Variants in CEMIP2 observed in about 807,000 individuals in gnomAD.
The protein encoded by CEMIP2 is cell surface hyaluronidase CEMIP2.
A neutral mutation model predicts 146.9 loss-of-function variants in CEMIP2; 79 were observed. The ratio of observed to expected loss-of-function variants is 0.54; its 90% CI spans 0.45 to 0.65. CEMIP2 has a LOEUF of 0.65. Ranked by LOEUF, CEMIP2 falls within the 30% of genes least tolerant of loss-of-function variation. The pLI is 0.00. For missense variants in CEMIP2, 1,596 were observed against 1,696.2 expected, an observed-to-expected ratio of 0.94 and a Z score of 1.04; for synonymous variants, 601 against 606.3, an observed-to-expected ratio of 0.99 and a Z score of 0.13.
intron 20 of CEMIP2, 199 bp downstream of exon 20, chr9:71,697,786 G>A (rs1056232870): frequency 1.8e-6 from 1 of 553,714 alleles, no homozygotes; most frequent in African/African-American, 1.9e-5. Context: ...ACGTATCACA[G>A]GGGCAAGTAT....
rs369828121 is a variant in CEMIP2 at position 71,705,080 on chromosome 9, C to A, written c.2986-277G>T. ...GCTTATTCATCAGAATATAAAACTTCTGTGGCTTATACAGCTTGTCAAAGA... is the reference window on the plus strand; with the variant it reads ...GCTTATTCATCAGAATATAAAACTTATGTGGCTTATACAGCTTGTCAAAGA... On this transcript the variant is annotated intron_variant, in intron 17 of 23. Coordinates refer to ENST00000377044, the MANE Select transcript of CEMIP2 (RefSeq NM_013390.3). 230 of 384,620 alleles carry A rather than the reference C, an allele frequency of 6.0e-4. 1 individual carries two copies. In the South Asian group the frequency reaches 8.6e-3, roughly 14 times the overall value. The allele number at this position is 384,620 out of a possible 1,614,324, so 23.8% of individuals were successfully genotyped here.
At chr9:71,758,106 AAAC>A (rs1335963945) in intron 1 of CEMIP2, among the ~76,000 whole-genome samples, 1 of 152,216 alleles carries the variant, frequency 6.6e-6, no homozygotes, top group Non-Finnish European at 1.5e-5. Context: ...TTTTTTAAAA[AAAC>A]AACCACTGCA....
chr9:71,730,362 G>C, intron 8 of CEMIP2, 109 bp from the exon 9 acceptor site: 2 of 1,115,132 alleles, frequency 1.8e-6, no homozygotes, highest in South Asian at 3.0e-5. Context: ...AAACAGGTTT[G>C]AACCTTAGCA....
chr9:71,743,657 A>G (rs1323108120), intron 4 of CEMIP2, among the ~76,000 whole-genome samples: 4 of 152,160 alleles, frequency 2.6e-5, no homozygotes, highest in African/African-American at 9.7e-5. Flanking sequence ...CTGTATGATC[A>G]TCATCTATTT....
chr9:71,734,704 G>C (rs1823713243), intron 6 of CEMIP2, 102 bp downstream of exon 6: 4 of 993,776 alleles, frequency 4.0e-6, no homozygotes, highest in Non-Finnish European at 5.8e-6. Flanking sequence ...TGTGATGGTG[G>C]TGGTGGTAGT....
Position 71,684,384 on chromosome 9 carries a change from A to G in CEMIP2, c.*813T>C, listed in dbSNP as rs7858861. 0.06 allele frequency: 9,140 copies of G among 152,712 alleles called. 406 individuals are homozygous for G. Among genetic ancestry groups the G allele is most frequent in the African/African-American group, 0.12 (5,070 of 41,538 alleles). The allele number at this position is 152,712 out of a possible 1,614,324, so 9.5% of individuals were successfully genotyped here. A position where few individuals can be genotyped will look rare whatever the true frequency, so the allele number is the denominator to read the frequency against. Reference sequence around the variant, plus strand: ...GGAAAACAACCTACTTCTTAAAACAAAACAAAACAAAACAAAAAAGGAAAT... The same window carrying G: ...GGAAAACAACCTACTTCTTAAAACAGAACAAAACAAAACAAAAAAGGAAAT... On this transcript the variant is annotated 3_prime_UTR_variant, in exon 24 of 24. Transcript: ENST00000377044.
At chr9:71,692,478 G>A (rs1185884752) in intron 21 of CEMIP2, among the ~76,000 whole-genome samples, 2 of 151,464 alleles carry the variant, frequency 1.3e-5, no homozygotes, top group Non-Finnish European at 2.9e-5. Context: ...CATGCTAACA[G>A]GCTGGGATCA....
chr9:71,715,648 A>ATATATATATATATATATT (rs967444649), intron 14 of CEMIP2, among the ~76,000 whole-genome samples: 1 of 134,208 alleles, frequency 7.5e-6, no homozygotes, highest in Non-Finnish European at 1.6e-5. Flanking sequence ...ATATATATAT[A>ATATATATATATATATATT]CTTTTTTTTT....
At chr9:71,749,406 A>G (rs1039063749) in intron 2 of CEMIP2, among the ~76,000 whole-genome samples, 1 of 143,566 alleles carries the variant, frequency 7.0e-6, no homozygotes, top group Admixed American at 7.0e-5. Flanking sequence ...ACGTATGACT[A>G]AAAAAAAAAA....
At position 71,728,267 on chromosome 9, in the gene CEMIP2, A is replaced by ACG. The variant is rs1233256723; in HGVS notation, c.2049+1577_2049+1578insCG. 2.2e-3 allele frequency among the ~76,000 whole-genome samples: 24 copies of ACG among 11,116 alleles called. 4 individuals carry two copies. Among genetic ancestry groups the ACG allele is most frequent in the Non-Finnish European group, 4.9e-3 (18 of 3,640 alleles). 7.3% of individuals were successfully genotyped at this position (11,116 alleles called of 152,430 possible). A position where few individuals can be genotyped will look rare whatever the true frequency, so the allele number is the denominator to read the frequency against. ...TATATATATGTATATACACGTATAT[A>ACG]TATATATATATATGTATATATATAT... is the stretch of plus-strand genomic sequence containing the variant. On this transcript the variant is annotated intron_variant, in intron 10 of 23. Coordinates refer to ENST00000377044, the MANE Select transcript of CEMIP2 (RefSeq NM_013390.3).
chr9:71,751,026 C>A (rs182459372), intron 1 of CEMIP2, among the ~76,000 whole-genome samples: 1 of 152,146 alleles, frequency 6.6e-6, no homozygotes, highest in East Asian at 1.9e-4. Context: ...GGATTACAGG[C>A]GTGAGCCCCA....
intron 5 of CEMIP2, among the ~76,000 whole-genome samples, chr9:71,736,504 A>C (rs555576350): frequency 2.0e-5 from 3 of 152,216 alleles, no homozygotes; most frequent in African/African-American, 7.2e-5. Context: ...CCCCTGTCCA[A>C]CTCAGCTCCT....
chr9:71,722,399 G>A, intron 12 of CEMIP2, 28 bp downstream of exon 12: 1 of 1,575,590 alleles, frequency 6.3e-7, no homozygotes, highest in Non-Finnish European at 8.7e-7. Flanking sequence ...AGTATAGCTT[G>A]AGTGTGACTT....
intron 10 of CEMIP2, among the ~76,000 whole-genome samples, chr9:71,726,440 T>C (rs1002347893): frequency 1.3e-5 from 2 of 152,190 alleles, no homozygotes; most frequent in African/African-American, 4.8e-5. Context: ...GGAACTTCGA[T>C]TAAATAGTTT....
At chr9:71,702,820 T>C (rs59986055) in intron 18 of CEMIP2, among the ~76,000 whole-genome samples, 1 of 152,226 alleles carries the variant, frequency 6.6e-6, no homozygotes, top group Admixed American at 6.5e-5. Context: ...TTGAAACTTC[T>C]AGGCTCAGCA....
At position 71,746,280 on chromosome 9, in the gene CEMIP2, CT is replaced by C. The variant is rs1564022980; in HGVS notation, c.392del (p.Lys131SerfsTer13). 1 of 1,614,002 alleles carries C rather than the reference CT, an allele frequency of 6.2e-7. No individual in the cohort carries two copies. Among genetic ancestry groups the C allele is most frequent in the Non-Finnish European group, 8.5e-7 (1 of 1,179,906 alleles). ...RNWDPGQDSA[K>X]QVVIKEGDML... ...TATCTCCCTCCTTGATAACAACTTG[CT>C]TTGCAGAATCTTGTCCTGGATCCCA... On this transcript the variant is annotated frameshift_variant, in exon 3 of 24. Transcript: ENST00000377044. LOFTEE classifies it high-confidence loss of function.
intron 17 of CEMIP2, among the ~76,000 whole-genome samples, chr9:71,705,511 G>A (rs1243416011): frequency 1.3e-5 from 2 of 152,046 alleles, no homozygotes; most frequent in African/African-American, 4.8e-5. Context: ...TAAAGCAGCA[G>A]CAGAATATTG....
In CEMIP2 at chr9:71,768,186, G is replaced by T. The variant is rs111484379; in HGVS notation, c.-13+171C>A. On this transcript the variant is annotated intron_variant, in intron 1 of 23. Coordinates refer to ENST00000377044, the MANE Select transcript of CEMIP2 (RefSeq NM_013390.3). The stretch of plus-strand genomic sequence containing the variant: ...CCGGGAAAGGAGGCGCACGGGGGAA[G>T]GGCGGGAGGACGTTTTCCTTTTCGG... Among the ~76,000 whole-genome samples the T allele has an allele frequency of 4.6e-3, 705 of 152,306 alleles. 6 individuals are homozygous for T. Among genetic ancestry groups the T allele is most frequent in the African/African-American group, 0.016 (671 of 41,582 alleles).
In CEMIP2 at chr9:71,698,168, C is replaced by T; in HGVS notation, c.3414G>A (p.Arg1138=). The T allele has an allele frequency of 6.2e-7, 1 of 1,614,150 alleles. No individual in the cohort carries two copies. Among genetic ancestry groups the T allele is most frequent in the Non-Finnish European group, 8.5e-7 (1 of 1,180,032 alleles). The change falls in exon 20 of 24, where the codon AGG becomes AGA. Residue 1138 remains arginine, a synonymous_variant. Transcript: ENST00000377044. The part of the protein sequence containing the change: ...LFLYLKAKSH[R]HGHSYCSSQG... ...GAGATGAACAGTAACTGTGGCCATG[C>T]CTGTGGCTTTTGGCTTTGAGATACA...
Sources: gnomAD v4.1 joint callset for allele counts (sites outside exome capture counted in the v4.1 genomes callset) on GRCh38, gnomAD v4.1.1 for gene constraint, MANE v1.5 for transcripts, NCBI Gene and HGNC (gene_info 2026-07-23, HGNC 2026-07-21) for gene names.